Variants in PCNT observed in about 807,000 individuals in gnomAD.
PCNT encodes pericentrin.
Under a neutral mutation model 380.4 loss-of-function variants are expected in PCNT, and 319 were observed. That is an observed-to-expected ratio of 0.84 (90% CI 0.77 to 0.92). The LOEUF (loss-of-function observed/expected upper bound fraction) is 0.92. Among genes scored for constraint, PCNT ranks in the 40% least tolerant of loss-of-function variants. The probability of loss-of-function intolerance (pLI) is 0.00; values close to 1 mark genes in which losing one functional copy is unlikely to be tolerated. For synonymous variants in PCNT, 1,845 were observed against 1,735.2 expected (o/e 1.06, Z -1.57); for missense variants, 4,400 against 4,255.3 (o/e 1.03, Z -0.95).
rs774021501 is a variant in PCNT at position 46,430,545 on chromosome 21, C to A, written c.7952C>A (p.Ala2651Glu). The A allele has an allele frequency of 6.4e-7, 1 of 1,555,342 alleles. No individual in the cohort carries two copies. Among genetic ancestry groups the A allele is most frequent in the Non-Finnish European group, 8.7e-7 (1 of 1,149,830 alleles). ...LSSKENELKA[A>E]LQELESEQGK... is the part of the protein sequence containing the mutation. ...AGTAAGGAGAACGAGCTGAAGGCCGCGCTTCAGGAGCTGGAGAGTGAGCAG... is the reference window on the plus strand; with the variant it reads ...AGTAAGGAGAACGAGCTGAAGGCCGAGCTTCAGGAGCTGGAGAGTGAGCAG... The change falls in exon 37 of 47, where the codon GCG (alanine) becomes GAG (glutamate). Residue 2651 changes from alanine to glutamate, a missense_variant. Physicochemically the swap from Ala to Glu is moderately radical, Grantham distance 107. Coordinates refer to ENST00000359568, the MANE Select transcript of PCNT (RefSeq NM_006031.6).
intron 33 of PCNT, 98 bp downstream of exon 33, chr21:46,426,069 C>CTTTTTTTTCTTTTTTTT (rs1555996812): frequency 4.4e-6 from 1 of 225,194 alleles, no homozygotes; most frequent in Non-Finnish European, 7.4e-6. Context: ...GGATTTCTTT[C>CTTTTTTTTCTTTTTTTT]TTTTTTTTTT....
At chr21:46,384,158 G>C (rs1298799829) in intron 16 of PCNT, among the ~76,000 whole-genome samples, 3 of 143,514 alleles carry the variant, frequency 2.1e-5, no homozygotes, top group African/African-American at 7.7e-5. Flanking sequence ...TCACAGTGCT[G>C]TGCATTCAGC....
chr21:46,387,072 C>G (rs183984893), intron 17 of PCNT, among the ~76,000 whole-genome samples: 15 of 152,328 alleles, frequency 9.8e-5, no homozygotes, highest in African/African-American at 3.6e-4. Context: ...CTGGGTTGTG[C>G]TGCTGTGTCC....
chr21:46,428,838 C>G (rs182373929), intron 35 of PCNT, among the ~76,000 whole-genome samples: 9 of 152,298 alleles, frequency 5.9e-5, no homozygotes, highest in Admixed American at 3.3e-4. Flanking sequence ...GGGTTGGGCT[C>G]TGAGTGCTGG....
chr21:46,347,730 C>G (rs186145365), intron 6 of PCNT, among the ~76,000 whole-genome samples: 1 of 152,222 alleles, frequency 6.6e-6, no homozygotes, highest in Non-Finnish European at 1.5e-5. Flanking sequence ...TTGCATAACA[C>G]AAAGGCACTG....
intron 15 of PCNT, among the ~76,000 whole-genome samples, chr21:46,371,631 G>A (rs1340444771): frequency 6.6e-6 from 1 of 152,206 alleles, no homozygotes; most frequent in African/African-American, 2.4e-5. Flanking sequence ...GAAGGGGCCT[G>A]GCTGAGGTCC....
intron 39 of PCNT, 136 bp from the exon 40 acceptor site, chr21:46,436,843 G>A (rs897134740): frequency 1.1e-4 from 79 of 728,886 alleles, no homozygotes; most frequent in Admixed American, 5.5e-4. Flanking sequence ...TCTGCCTCAC[G>A]GCTGGACGAA....
chr21:46,361,195 G>C (rs1345706042), intron 13 of PCNT, among the ~76,000 whole-genome samples: 7 of 152,128 alleles, frequency 4.6e-5, no homozygotes, highest in African/African-American at 1.4e-4. Flanking sequence ...GACCAGCCTG[G>C]CCAACATGGG....
chr21:46,385,802 A>G, intron 16 of PCNT, 30 bp from the exon 17 acceptor site: 1 of 1,613,368 alleles, frequency 6.2e-7, no homozygotes, highest in South Asian at 1.1e-5. Flanking sequence ...AAATTGTTTT[A>G]ACGAAAGCTT....
intron 13 of PCNT, among the ~76,000 whole-genome samples, chr21:46,360,594 C>T (rs1270453097): frequency 6.8e-6 from 1 of 146,074 alleles, no homozygotes; most frequent in African/African-American, 2.6e-5. Flanking sequence ...TATCCGCCCA[C>T]TGCAAGCTCC....
intron 3 of PCNT, among the ~76,000 whole-genome samples, chr21:46,345,363 G>C (rs1474242613): frequency 6.6e-6 from 1 of 152,004 alleles, no homozygotes; most frequent in Non-Finnish European, 1.5e-5. Flanking sequence ...GACTACAGGT[G>C]CCCGCCACCA....
intron 3 of PCNT, among the ~76,000 whole-genome samples, chr21:46,338,103 T>C (rs890649770): frequency 2.0e-5 from 3 of 152,102 alleles, no homozygotes; most frequent in African/African-American, 7.2e-5. Flanking sequence ...GGTCTTGAAC[T>C]CTTGGGCTCA....
At chr21:46,337,264 A>G (rs1357392930) in intron 3 of PCNT, among the ~76,000 whole-genome samples, 2 of 152,188 alleles carry the variant, frequency 1.3e-5, no homozygotes, top group Non-Finnish European at 2.9e-5. Flanking sequence ...GGTGTGGGCC[A>G]CCACGCCCGG....
intron 16 of PCNT, among the ~76,000 whole-genome samples, chr21:46,383,407 G>A (rs549907870): frequency 2.3e-4 from 30 of 131,550 alleles, no homozygotes; most frequent in African/African-American, 4.9e-4. Context: ...GCGCATTCAC[G>A]GTGTTGTGCA....
intron 17 of PCNT, among the ~76,000 whole-genome samples, chr21:46,386,923 C>T (rs1279593745): frequency 6.6e-6 from 1 of 152,130 alleles, no homozygotes; most frequent in African/African-American, 2.4e-5. Context: ...CGCCCGAGGC[C>T]TCTGTGTCCT....
intron 18 of PCNT, 43 bp from the exon 19 acceptor site, chr21:46,389,156 T>C: frequency 6.3e-7 from 1 of 1,584,048 alleles, no homozygotes; most frequent in South Asian, 1.1e-5. Context: ...CGCGGCCGGC[T>C]TGCTCACTGA....
chr21:46,326,635 G>C, intron 2 of PCNT, 46 bp downstream of exon 2: 3 of 1,551,120 alleles, frequency 1.9e-6, no homozygotes, highest in East Asian at 2.2e-5. Flanking sequence ...TTATCTTCTA[G>C]TGATTTCTAG....
chr21:46,404,437 T>C, intron 27 of PCNT, among the ~76,000 whole-genome samples: 1 of 152,208 alleles, frequency 6.6e-6, no homozygotes, highest in Admixed American at 6.5e-5. Context: ...GAGGAGATAG[T>C]GCGTGTGAAC....
Position 46,351,461 on chromosome 21 carries a change from G to A in PCNT, c.1377G>A (p.Leu459=). ...LENLQASYED[L]KAQSQEEIRR... is the part of the protein sequence containing the mutation. ...ATCTTCAAGCATCATATGAAGACCT[G>A]AAGGCACAATCACAAGAAGAGATCA... The change falls in exon 9 of 47, where the codon CTG becomes CTA. Residue 459 remains leucine (L), a synonymous_variant. Coordinates refer to ENST00000359568, the MANE Select transcript of PCNT (RefSeq NM_006031.6). 1.2e-6 allele frequency: 2 copies of A among 1,612,740 alleles called. No homozygotes were observed. The highest frequency in any genetic ancestry group is 1.7e-6 in the Non-Finnish European group (2 of 1,178,742).
Sources: gnomAD v4.1 joint callset for allele counts (sites outside exome capture counted in the v4.1 genomes callset) on GRCh38, gnomAD v4.1.1 for gene constraint, MANE v1.5 for transcripts, NCBI Gene and HGNC (gene_info 2026-07-23, HGNC 2026-07-21) for gene names.